MTSS1: variants seen among roughly 807,000 people sequenced by gnomAD.
MTSS1 encodes protein MTSS 1.
In MTSS1, 18 loss-of-function variants were observed where a neutral mutation model predicts 79.0. The ratio of observed to expected loss-of-function variants is 0.23; its 90% CI spans 0.16 to 0.34. The LOEUF (loss-of-function observed/expected upper bound fraction) is 0.34. MTSS1 is among the 10% of genes least tolerant of loss of function. MTSS1 has a pLI of 1.00. For synonymous variants in MTSS1, 341 were observed against 368.6 expected (o/e 0.93, Z 0.86); for missense variants, 815 against 986.2 (o/e 0.83, Z 2.33).
intron 6 of MTSS1, among the ~76,000 whole-genome samples, chr8:124,575,962 G>C (rs1459626701): frequency 6.6e-6 from 1 of 151,986 alleles, no homozygotes; most frequent in African/African-American, 2.4e-5. Flanking sequence ...CTCCTAAGTA[G>C]CTCTTGAATC....
chr8:124,638,542 C>T (rs539917323), intron 3 of MTSS1, among the ~76,000 whole-genome samples: 1 of 152,310 alleles, frequency 6.6e-6, no homozygotes. Flanking sequence ...CCGTGCCCTT[C>T]GGTACAGTGT....
At chr8:124,567,541 T>C in intron 7 of MTSS1, 1 of 1,255,916 alleles carries the variant, frequency 8.0e-7, no homozygotes, top group Non-Finnish European at 1.0e-6. Flanking sequence ...GTTGCTTAGC[T>C]TCAATGGATG....
At position 124,568,541 on chromosome 8, in the gene MTSS1, A is replaced by G; in HGVS notation, c.461-5T>C. ...GAGGCTGGATATCACCTCTCCCTGCAAAAAACAGAGACCCAAGCACGGCTT... is the reference window on the plus strand; with the variant it reads ...GAGGCTGGATATCACCTCTCCCTGCGAAAAACAGAGACCCAAGCACGGCTT... On this transcript the variant is annotated splice_polypyrimidine_tract_variant and splice_region_variant and intron_variant, in intron 6 of 13. Transcript: ENST00000518547. 2 of 1,614,184 alleles carry G rather than the reference A, an allele frequency of 1.2e-6. No individual in the cohort carries two copies. Among genetic ancestry groups the G allele is most frequent in the Non-Finnish European group, 1.7e-6 (2 of 1,180,024 alleles).
chr8:124,631,996 T>C (rs1035636140), intron 3 of MTSS1, among the ~76,000 whole-genome samples: 1 of 152,110 alleles, frequency 6.6e-6, no homozygotes, highest in African/African-American at 2.4e-5. Flanking sequence ...TTAAGGAGCA[T>C]CCGGGTGCAG....
intron 3 of MTSS1, among the ~76,000 whole-genome samples, chr8:124,670,771 T>A (rs1305717572): frequency 1.3e-5 from 2 of 152,054 alleles, no homozygotes; most frequent in African/African-American, 4.8e-5. Flanking sequence ...AACCAATTCA[T>A]CCCGTCTCCA....
At chr8:124,698,613 G>A (rs554701439) in intron 3 of MTSS1, among the ~76,000 whole-genome samples, 67 of 149,982 alleles carry the variant, frequency 4.5e-4, no homozygotes, top group African/African-American at 1.6e-3. Context: ...CCGGATTCAA[G>A]CAACTGTCAT....
chr8:124,632,180 G>C (rs1174008365), intron 3 of MTSS1, among the ~76,000 whole-genome samples: 1 of 150,654 alleles, frequency 6.6e-6, no homozygotes, highest in Admixed American at 6.6e-5. Context: ...TTGGGAGGCT[G>C]AGGCAGGAGG....
At chr8:124,578,301 A>G (rs1413915770) in intron 6 of MTSS1, among the ~76,000 whole-genome samples, 1 of 152,050 alleles carries the variant, frequency 6.6e-6, no homozygotes, top group African/African-American at 2.4e-5. Flanking sequence ...TGACACGTCT[A>G]CCCTTCACCA....
intron 3 of MTSS1, among the ~76,000 whole-genome samples, chr8:124,602,188 CATATAT>C: frequency 1.7e-5 from 2 of 116,786 alleles, no homozygotes; most frequent in African/African-American, 8.6e-5. Flanking sequence ...CATATATATA[CATATAT>C]ATATATATAT....
At chr8:124,562,751 C>T (rs1373289273) in intron 10 of MTSS1, 31 bp downstream of exon 10, 13 of 1,598,086 alleles carry the variant, frequency 8.1e-6, no homozygotes. Context: ...CCAGGTGTGA[C>T]AGCTGCTCCT....
chr8:124,720,499 A>G (rs1453521895), intron 1 of MTSS1, among the ~76,000 whole-genome samples: 1 of 152,244 alleles, frequency 6.6e-6, no homozygotes, highest in East Asian at 1.9e-4. Context: ...CCAGGCCTCA[A>G]TGTATCTGAC....
Position 124,664,925 on chromosome 8 carries a change from C to T in MTSS1, c.208+34601G>A, listed in dbSNP as rs140536372. Among the ~76,000 whole-genome samples the T allele has an allele frequency of 9.5e-3, 1,448 of 152,258 alleles. 27 individuals carry two copies. The highest frequency in any genetic ancestry group is 0.042 in the Admixed American group (645 of 15,300). ...CATTTTACAGTTCATTCTTTCCCCC[C>T]GACATGTTAACAACTCTGAAAGGCA... is the stretch of plus-strand genomic sequence containing the variant. On this transcript the variant is annotated intron_variant, in intron 3 of 13. Coordinates refer to ENST00000518547, the MANE Select transcript of MTSS1 (RefSeq NM_014751.6).
chr8:124,564,439 G>T (rs1825936560), intron 9 of MTSS1, among the ~76,000 whole-genome samples: 1 of 152,042 alleles, frequency 6.6e-6, no homozygotes. Flanking sequence ...GCGTGCTGGA[G>T]GAAATCGCTG....
intron 6 of MTSS1, among the ~76,000 whole-genome samples, chr8:124,579,117 C>T (rs1008413208): frequency 6.6e-6 from 1 of 152,120 alleles, no homozygotes; most frequent in African/African-American, 2.4e-5. Flanking sequence ...AAAGGCTATA[C>T]AGTTTCTTTA....
intron 1 of MTSS1, among the ~76,000 whole-genome samples, chr8:124,712,623 T>A (rs957286072): frequency 6.6e-6 from 1 of 152,222 alleles, no homozygotes; most frequent in African/African-American, 2.4e-5. Flanking sequence ...CCATCCATCA[T>A]AAATACCATT....
chr8:124,593,618 A>G (rs550275141), intron 3 of MTSS1, among the ~76,000 whole-genome samples: 2 of 152,344 alleles, frequency 1.3e-5, no homozygotes, highest in South Asian at 4.1e-4. Flanking sequence ...AGGAAGACGT[A>G]CAGCGCTTAG....
intron 3 of MTSS1, among the ~76,000 whole-genome samples, chr8:124,648,149 T>A (rs1819315248): frequency 6.6e-6 from 1 of 152,126 alleles, no homozygotes; most frequent in African/African-American, 2.4e-5. Context: ...AGCCTTTTAT[T>A]AACAGAGGAA....
intron 5 of MTSS1, among the ~76,000 whole-genome samples, chr8:124,585,419 C>CT (rs35772173): frequency 4.0e-4 from 59 of 148,208 alleles, no homozygotes; most frequent in South Asian, 1.5e-3. Flanking sequence ...TTTGGGAATA[C>CT]TTTTTTTTTT....
chr8:124,652,245 C>T (rs1820095487), intron 3 of MTSS1, among the ~76,000 whole-genome samples: 2 of 152,200 alleles, frequency 1.3e-5, no homozygotes, highest in South Asian at 4.1e-4. Flanking sequence ...ACAATCTTGG[C>T]TCACTGCAAC....
Sources: allele counts gnomAD v4.1 joint callset (sites outside exome capture counted in the v4.1 genomes callset), GRCh38; gene constraint gnomAD v4.1.1; transcripts MANE v1.5; gene names NCBI Gene and HGNC (gene_info 2026-07-23, HGNC 2026-07-21).